The following ADGRL3 variants were observed in gnomAD, a reference collection of about 807,000 sequenced individuals.
The protein encoded by ADGRL3 is calcium-independent alpha-latrotoxin receptor 3.
ADGRL3 carries 62 observed loss-of-function variants against 153.5 expected under a neutral mutation model. The ratio of observed to expected loss-of-function variants is 0.40; its 90% CI spans 0.33 to 0.50. The LOEUF is 0.50. Ranked by LOEUF, ADGRL3 falls within the 20% of genes least tolerant of loss-of-function variation. ADGRL3 has a pLI of 0.47. For synonymous variants in ADGRL3, 710 were observed against 672.5 expected (o/e 1.06, Z -0.86); for missense variants, 1,641 against 1,859.4 (o/e 0.88, Z 2.16).
chr4:62,036,442 T>C (rs1047494162), intron 23 of ADGRL3, among the ~76,000 whole-genome samples: 1 of 152,040 alleles, frequency 6.6e-6, no homozygotes, highest in Non-Finnish European at 1.5e-5. Context: ...ATCTCTATCA[T>C]TTTTCTTATC....
At chr4:61,665,453 G>A (rs572067717) in intron 5 of ADGRL3, among the ~76,000 whole-genome samples, 2 of 151,992 alleles carry the variant, frequency 1.3e-5, no homozygotes, top group African/African-American at 4.8e-5. Context: ...AAACATGGTA[G>A]AGCTTTACTT....
At chr4:61,449,921 G>A (rs78112493) in intron 2 of ADGRL3, among the ~76,000 whole-genome samples, 2 of 152,242 alleles carry the variant, frequency 1.3e-5, no homozygotes, top group Non-Finnish European at 2.9e-5. Context: ...TGATATAATG[G>A]TGTTTTTCTA....
At chr4:61,512,933 C>T (rs1318153482) in intron 3 of ADGRL3, among the ~76,000 whole-genome samples, 1 of 152,036 alleles carries the variant, frequency 6.6e-6, no homozygotes, top group Non-Finnish European at 1.5e-5. Flanking sequence ...ACATTTCAAA[C>T]TCTGTAAGGC....
At chr4:62,041,548 A>T (rs749672866) in intron 24 of ADGRL3, among the ~76,000 whole-genome samples, 2 of 152,038 alleles carry the variant, frequency 1.3e-5, no homozygotes, top group Non-Finnish European at 2.9e-5. Context: ...CATTTTCAAT[A>T]TGTTTTCCTC....
At chr4:61,935,080 A>G in intron 14 of ADGRL3, 57 bp downstream of exon 14, 1 of 1,447,974 alleles carries the variant, frequency 6.9e-7, no homozygotes, top group Non-Finnish European at 9.6e-7. Context: ...AGAAGAGGGA[A>G]AAGAAAAAAG....
At chr4:61,835,229 C>G (rs1026433410) in intron 9 of ADGRL3, among the ~76,000 whole-genome samples, 16 of 148,400 alleles carry the variant, frequency 1.1e-4, no homozygotes, top group Middle Eastern at 3.5e-3. Context: ...GTTTTTTTTC[C>G]AAAACGAGTT....
In ADGRL3 at chr4:61,435,964, T is replaced by A. The variant is rs184919753; in HGVS notation, c.-174+52775T>A. Among the ~76,000 whole-genome samples the A allele has an allele frequency of 4.0e-3, 604 of 152,210 alleles. 1 individual carries two copies. Among genetic ancestry groups the A allele is most frequent in the African/African-American group, 0.014 (576 of 41,562 alleles). On this transcript the variant is annotated intron_variant, in intron 2 of 26. Coordinates refer to ENST00000683033, the MANE Select transcript of ADGRL3 (RefSeq NM_001387552.1). Reference sequence around the variant, plus strand: ...AGTCACATTTTAAAATTAAAAAAAATTAGATAATAATTTTAAATAGTAGAT... The same window carrying A: ...AGTCACATTTTAAAATTAAAAAAAAATAGATAATAATTTTAAATAGTAGAT...
intron 9 of ADGRL3, among the ~76,000 whole-genome samples, chr4:61,869,033 A>G (rs976237934): frequency 5.3e-5 from 8 of 152,066 alleles, no homozygotes; most frequent in Non-Finnish European, 1.2e-4. Context: ...GCCTCGACCT[A>G]CTGGGCTCAA....
chr4:61,210,707 A>T (rs2148845585), intron 1 of ADGRL3, among the ~76,000 whole-genome samples: 1 of 152,198 alleles, frequency 6.6e-6, no homozygotes, highest in South Asian at 2.1e-4. Context: ...TCAAATTTTC[A>T]GTGTTCTTGA....
At chr4:61,205,370 G>A (rs1736628394) in intron 1 of ADGRL3, among the ~76,000 whole-genome samples, 2 of 152,176 alleles carry the variant, frequency 1.3e-5, no homozygotes, top group Non-Finnish European at 2.9e-5. Context: ...TTTAAGAAAT[G>A]CTGTGCAGCC....
At chr4:61,740,434 G>A (rs776460701) in intron 8 of ADGRL3, among the ~76,000 whole-genome samples, 1 of 152,100 alleles carries the variant, frequency 6.6e-6, no homozygotes, top group East Asian at 1.9e-4. Flanking sequence ...TTAGTGCCTG[G>A]TTTTGACTGA....
In ADGRL3 at chr4:61,506,907, A is replaced by G. The variant is rs906511547; in HGVS notation, c.55+9559A>G. On this transcript the variant is annotated intron_variant, in intron 3 of 26. Coordinates refer to ENST00000683033, the MANE Select transcript of ADGRL3 (RefSeq NM_001387552.1). ...ACAGATGATGTGAGGAAAAAACCTA[A>G]TGATTAGATATGTAGGTTAAAAACG... is the stretch of plus-strand genomic sequence containing the variant. Among the ~76,000 whole-genome samples the G allele has an allele frequency of 5.3e-5, 8 of 152,276 alleles. No individual in the cohort carries two copies. The East Asian group carries it at 1.5e-3, about 29-fold the overall frequency.
chr4:61,291,620 A>ATG (rs2094216197), intron 1 of ADGRL3, among the ~76,000 whole-genome samples: 2 of 43,748 alleles, frequency 4.6e-5, no homozygotes, highest in African/African-American at 1.2e-4. Context: ...ACATATATAT[A>ATG]TATATAAAAT....
At chr4:61,424,101 A>G (rs975815050) in intron 2 of ADGRL3, among the ~76,000 whole-genome samples, 5 of 152,108 alleles carry the variant, frequency 3.3e-5, no homozygotes. Flanking sequence ...GTGAAGGGGC[A>G]TAGGCAGGTG....
intron 17 of ADGRL3, among the ~76,000 whole-genome samples, chr4:61,955,239 C>T (rs973051277): frequency 6.6e-6 from 1 of 152,044 alleles, no homozygotes. Context: ...AGTGATCTAG[C>T]CCTTAGCTTT....
intron 2 of ADGRL3, among the ~76,000 whole-genome samples, chr4:61,450,795 TAA>T (rs1054269498): frequency 2.0e-5 from 3 of 152,132 alleles, no homozygotes; most frequent in African/African-American, 7.2e-5. Flanking sequence ...ACAGCCATAA[TAA>T]GATATATTTG....
At chr4:61,381,008 C>T (rs1233891783) in intron 1 of ADGRL3, among the ~76,000 whole-genome samples, 1 of 151,856 alleles carries the variant, frequency 6.6e-6, no homozygotes, top group Non-Finnish European at 1.5e-5. Flanking sequence ...TTCCCTCACA[C>T]CTGGTTGCCT....
chr4:61,782,357 T>C (rs996967029), intron 8 of ADGRL3, among the ~76,000 whole-genome samples: 1 of 152,150 alleles, frequency 6.6e-6, no homozygotes, highest in African/African-American at 2.4e-5. Context: ...TGTTTATTCA[T>C]TTAAAAAATT....
At chr4:61,489,907 A>G (rs569592917) in intron 2 of ADGRL3, among the ~76,000 whole-genome samples, 199 of 152,218 alleles carry the variant, frequency 1.3e-3, no homozygotes, top group African/African-American at 4.6e-3. Context: ...ATGTGTTGAT[A>G]TATTTTGTGC....
Sources: gnomAD v4.1 joint callset for allele counts (sites outside exome capture counted in the v4.1 genomes callset) on GRCh38, gnomAD v4.1.1 for gene constraint, MANE v1.5 for transcripts, NCBI Gene and HGNC (gene_info 2026-07-23, HGNC 2026-07-21) for gene names.